The following PPP3CA variants were observed in gnomAD, a reference collection of about 807,000 sequenced individuals.
PPP3CA encodes protein phosphatase 3 catalytic subunit alpha.
A neutral mutation model predicts 66.5 loss-of-function variants in PPP3CA; 14 were observed. That is an observed-to-expected ratio of 0.21 (90% CI 0.14 to 0.33). PPP3CA has a LOEUF of 0.33. Ranked by LOEUF, PPP3CA falls within the 10% of genes least tolerant of loss-of-function variation. The probability of loss-of-function intolerance (pLI) is 1.00; values close to 1 mark genes in which losing one functional copy is unlikely to be tolerated. For synonymous variants in PPP3CA, 232 were observed against 226.2 expected, an observed-to-expected ratio of 1.03 and a Z score of -0.23; for missense variants, 317 against 639.5, an observed-to-expected ratio of 0.50 and a Z score of 5.44.
Position 101,098,412 on chromosome 4 carries a change from A to G in PPP3CA, c.597T>C (p.His199=). ...TGTTAATCTCTGGAGACAAACCACC[A>G]TGCACACACAGGAACTGTTGGTTCA... ...ALMNQQFLCV[H]GGLSPEINTL... is the part of the protein sequence containing the mutation. Residue 199 remains histidine (H), a synonymous_variant, in exon 5 of 14, where the codon CAT becomes CAC. Coordinates refer to ENST00000394854, the MANE Select transcript of PPP3CA (RefSeq NM_000944.5). 1 of 1,612,480 alleles carries G rather than the reference A, an allele frequency of 6.2e-7. No homozygotes were observed.
chr4:101,137,676 T>C (rs1722666545), intron 2 of PPP3CA, among the ~76,000 whole-genome samples: 1 of 152,194 alleles, frequency 6.6e-6, no homozygotes, highest in Non-Finnish European at 1.5e-5. Context: ...GGGATATTTT[T>C]ACTTTTCACT....
At chr4:101,270,056 T>C (rs1727289463) in intron 1 of PPP3CA, among the ~76,000 whole-genome samples, 2 of 152,148 alleles carry the variant, frequency 1.3e-5, no homozygotes, top group Non-Finnish European at 1.5e-5. Context: ...ACATTTCACA[T>C]GCTTTGAAGG....
intron 2 of PPP3CA, among the ~76,000 whole-genome samples, chr4:101,111,981 TTC>T (rs1721689189): frequency 6.6e-6 from 1 of 152,114 alleles, no homozygotes; most frequent in South Asian, 2.1e-4. Context: ...TCTTCTTCCT[TTC>T]TCTCCCCTTC....
intron 2 of PPP3CA, among the ~76,000 whole-genome samples, chr4:101,115,194 C>A (rs2110268499): frequency 6.6e-6 from 1 of 152,132 alleles, no homozygotes; most frequent in Non-Finnish European, 1.5e-5. Context: ...ACAAACTGAA[C>A]AATGAATCAG....
chr4:101,100,456 A>G (rs1490406991), intron 3 of PPP3CA, among the ~76,000 whole-genome samples: 1 of 152,140 alleles, frequency 6.6e-6, no homozygotes, highest in African/African-American at 2.4e-5. Context: ...CATTTGATAT[A>G]CCTTAAAATT....
chr4:101,283,519 T>C (rs546664562), intron 1 of PPP3CA, among the ~76,000 whole-genome samples: 1 of 152,058 alleles, frequency 6.6e-6, no homozygotes, highest in Non-Finnish European at 1.5e-5. Context: ...ATTAACAAAA[T>C]AAGAGTATTT....
At chr4:101,247,201 A>C (rs1578591341) in intron 1 of PPP3CA, among the ~76,000 whole-genome samples, 1 of 150,212 alleles carries the variant, frequency 6.7e-6, no homozygotes, top group East Asian at 2.0e-4. Context: ...TCTCACTGTC[A>C]CCCAGGCTGG....
At chr4:101,054,552 A>G (rs1272801872) in intron 10 of PPP3CA, among the ~76,000 whole-genome samples, 1 of 150,738 alleles carries the variant, frequency 6.6e-6, no homozygotes, top group Non-Finnish European at 1.5e-5. Flanking sequence ...ATATATTCAT[A>G]CCCTTAGAAA....
chr4:101,203,543 A>T (rs1725035623), intron 1 of PPP3CA, among the ~76,000 whole-genome samples: 1 of 152,210 alleles, frequency 6.6e-6, no homozygotes, highest in Non-Finnish European at 1.5e-5. Context: ...TAAGGTATTA[A>T]TAATTAATTA....
chr4:101,345,414 G>T (rs1221148835), intron 1 of PPP3CA, among the ~76,000 whole-genome samples: 1 of 152,134 alleles, frequency 6.6e-6, no homozygotes, highest in African/African-American at 2.4e-5. Flanking sequence ...CGACTTGATT[G>T]CCTTGCACTC....
intron 3 of PPP3CA, among the ~76,000 whole-genome samples, chr4:101,106,441 GAAAGAAAGAAAGAGAAAAGAAAAGAAAA>G (rs1730711590): frequency 2.7e-4 from 3 of 11,304 alleles, no homozygotes; most frequent in African/African-American, 9.4e-4. Flanking sequence ...AAGAAAGAAA[GAAAGAAAGAAAGAGAAAAGAAAAGAAAA>G]GAAAAGAAAA....
At chr4:101,134,006 T>A (rs1323512467) in intron 2 of PPP3CA, among the ~76,000 whole-genome samples, 1 of 152,240 alleles carries the variant, frequency 6.6e-6, no homozygotes. Flanking sequence ...AAGGATTCCC[T>A]ATTTAAATAA....
Position 101,113,263 on chromosome 4 carries a change from C to T in PPP3CA, c.260-4185G>A, listed in dbSNP as rs141769086. 9.2e-4 allele frequency among the ~76,000 whole-genome samples: 140 copies of T among 152,178 alleles called. 1 individual carries two copies. Among genetic ancestry groups the T allele is most frequent in the African/African-American group, 3.3e-3 (135 of 41,536 alleles). ...ATTTATGGGCCCTGAATCAGAATCT[C>T]CAGAGATGCAGATTCACTAACAAGC... On this transcript the variant is annotated intron_variant, in intron 2 of 13. Coordinates refer to ENST00000394854, the MANE Select transcript of PPP3CA (RefSeq NM_000944.5).
chr4:101,209,650 T>C (rs1341827060), intron 1 of PPP3CA, among the ~76,000 whole-genome samples: 1 of 152,192 alleles, frequency 6.6e-6, no homozygotes, highest in East Asian at 1.9e-4. Context: ...ATAAGAAGTG[T>C]ATATGAATAG....
chr4:101,151,907 T>C (rs1175087785), intron 2 of PPP3CA, among the ~76,000 whole-genome samples: 2 of 152,000 alleles, frequency 1.3e-5, no homozygotes, highest in Non-Finnish European at 2.9e-5. Context: ...TTGCCTGCCT[T>C]GGCCTCCCAA....
At chr4:101,310,294 T>G (rs577248302) in intron 1 of PPP3CA, among the ~76,000 whole-genome samples, 2 of 152,304 alleles carry the variant, frequency 1.3e-5, no homozygotes, top group South Asian at 4.1e-4. Context: ...ATTGATCAAC[T>G]TGACTCACAG....
intron 1 of PPP3CA, among the ~76,000 whole-genome samples, chr4:101,308,348 T>C (rs535929885): frequency 1.3e-5 from 2 of 152,336 alleles, no homozygotes; most frequent in South Asian, 4.1e-4. Context: ...ATGAAAGATA[T>C]TGGTATTACT....
intron 8 of PPP3CA, among the ~76,000 whole-genome samples, chr4:101,077,373 A>G (rs750464611): frequency 6.4e-4 from 97 of 152,182 alleles, no homozygotes; most frequent in Non-Finnish European, 1.0e-3. Context: ...CTTTATTATC[A>G]TTTGCTTCTA....
intron 2 of PPP3CA, among the ~76,000 whole-genome samples, chr4:101,180,540 A>T (rs565561758): frequency 6.6e-6 from 1 of 152,156 alleles, no homozygotes; most frequent in African/African-American, 2.4e-5. Flanking sequence ...GTATGCCTTA[A>T]ATTTATTCTG....
Sources: allele counts gnomAD v4.1 joint callset (sites outside exome capture counted in the v4.1 genomes callset), GRCh38; gene constraint gnomAD v4.1.1; transcripts MANE v1.5; gene names NCBI Gene and HGNC (gene_info 2026-07-23, HGNC 2026-07-21).